Variants in ZKSCAN3 observed in about 807,000 individuals in gnomAD.
The protein encoded by ZKSCAN3 is zinc finger with KRAB and SCAN domains 3, also known as zinc finger protein with KRAB and SCAN domains 3.
ZKSCAN3 carries 21 observed loss-of-function variants against 30.7 expected under a neutral mutation model. The observed-to-expected ratio is 0.68, with a 90% confidence interval of 0.49 to 0.99. The LOEUF (loss-of-function observed/expected upper bound fraction) is 0.99, where lower values mean the gene tolerates loss of function less well. Ranked by LOEUF, ZKSCAN3 falls within the 50% of genes least tolerant of loss-of-function variation. The pLI is 0.00. For missense variants in ZKSCAN3, 507 were observed against 647.1 expected (o/e 0.78, Z 2.35); for synonymous variants, 201 against 246.7 (o/e 0.81, Z 1.73).
chr6:28,362,466 A>G (rs1440804733), intron 3 of ZKSCAN3, among the ~76,000 whole-genome samples: 1 of 152,210 alleles, frequency 6.6e-6, no homozygotes, highest in Non-Finnish European at 1.5e-5. Flanking sequence ...TGTCTTAAAC[A>G]CATGTACAAG....
In ZKSCAN3 at chr6:28,361,231, A is replaced by G. The variant is rs1765755066; in HGVS notation, c.403-93A>G. 19 of 1,367,666 alleles carry G rather than the reference A, an allele frequency of 1.4e-5. No individual in the cohort carries two copies. The South Asian group carries it at 2.3e-4, about 16-fold the overall frequency. 84.7% of individuals were successfully genotyped at this position (1,367,666 alleles called of 1,614,324 possible). On this transcript the variant is annotated intron_variant, in intron 2 of 5. Transcript: ENST00000252211. The stretch of plus-strand genomic sequence containing the variant: ...TGTTTTCTGCGTTAAATGAGTTAAC[A>G]TTTATAATGCTCTTGGAAATAGTGC...
rs1766004018 is a variant in ZKSCAN3 at position 28,367,272 on chromosome 6, A to C, written c.*987A>C. Reference sequence around the variant, plus strand: ...TTCTATTCTAGTGCAAATGCCTTAAAAAGCTTATCACTAAATCATTACGAA... The same window carrying C: ...TTCTATTCTAGTGCAAATGCCTTAACAAGCTTATCACTAAATCATTACGAA... On this transcript the variant is annotated 3_prime_UTR_variant, in exon 6 of 6. Coordinates refer to ENST00000252211, the MANE Select transcript of ZKSCAN3 (RefSeq NM_024493.4). The C allele has an allele frequency of 6.6e-6, 1 of 151,750 alleles. No individual in the cohort carries two copies. The highest frequency in any genetic ancestry group is 2.1e-4 in the South Asian group (1 of 4,820). 9.4% of individuals were successfully genotyped at this position (151,750 alleles called of 1,614,324 possible).
rs201756182 is a variant in ZKSCAN3 at position 28,363,828 on chromosome 6, G to A, written c.757+13G>A. ...CTGGTCTCCCTGGGTAAGACTAAAG[G>A]ACACTAATTTCTGTTAAGGTTTCTT... On this transcript the variant is annotated intron_variant, in intron 5 of 5. Coordinates refer to ENST00000252211, the MANE Select transcript of ZKSCAN3 (RefSeq NM_024493.4). 5.6e-6 allele frequency: 9 copies of A among 1,612,656 alleles called. No homozygotes were observed. In the African/African-American group the frequency reaches 1.2e-4, roughly 21 times the overall value.
intron 1 of ZKSCAN3, among the ~76,000 whole-genome samples, chr6:28,358,749 T>C (rs1765584547): frequency 6.6e-6 from 1 of 152,028 alleles, no homozygotes; most frequent in African/African-American, 2.4e-5. Flanking sequence ...CTGGGCATGG[T>C]GGTGCACACC....
At position 28,366,959 on chromosome 6, in the gene ZKSCAN3, C is replaced by T. The variant is rs977939343; in HGVS notation, c.*674C>T. ...GGAGACGTAGTCTTGCTCTGTCGCC[C>T]AGGCTGGAGTGCAGTGGCACAATCT... is the stretch of plus-strand genomic sequence containing the variant. On this transcript the variant is annotated 3_prime_UTR_variant, in exon 6 of 6. Coordinates refer to ENST00000252211, the MANE Select transcript of ZKSCAN3 (RefSeq NM_024493.4). The T allele has an allele frequency of 1.3e-5, 2 of 152,298 alleles. No individual in the cohort carries two copies. The highest frequency in any genetic ancestry group is 2.9e-5 in the Non-Finnish European group (2 of 68,156). 9.4% of individuals were successfully genotyped at this position (152,298 alleles called of 1,614,324 possible). A position where few individuals can be genotyped will look rare whatever the true frequency, so the allele number is the denominator to read the frequency against.
rs977725460 is a variant in ZKSCAN3, at chr6:28,363,169, C to T, written c.551-134C>T. 8 of 711,806 alleles carry T rather than the reference C, an allele frequency of 1.1e-5. No homozygotes were observed. The African/African-American group carries it at 1.3e-4, about 11-fold the overall frequency. The allele number at this position is 711,806 out of a possible 1,614,324, so 44.1% of individuals were successfully genotyped here. On this transcript the variant is annotated intron_variant, in intron 3 of 5. Transcript: ENST00000252211. The stretch of plus-strand genomic sequence containing the variant: ...GGAGTGCAGTGGCTCAATCACAGCT[C>T]ATTGCAGCTTCAGACTCCTGGGCTC...
intron 1 of ZKSCAN3, among the ~76,000 whole-genome samples, chr6:28,357,392 G>A (rs955871115): frequency 1.3e-5 from 2 of 152,194 alleles, no homozygotes; most frequent in Non-Finnish European, 2.9e-5. Flanking sequence ...GGATTTTGAC[G>A]ACCTCAGGAA....
At chr6:28,353,901 G>A in intron 1 of ZKSCAN3, 1 of 456,156 alleles carries the variant, frequency 2.2e-6, no homozygotes, top group Non-Finnish European at 4.4e-6. Flanking sequence ...CCATACTGAG[G>A]TCCGAGGGGA....
chr6:28,357,572 G>A (rs1383090343), intron 1 of ZKSCAN3, among the ~76,000 whole-genome samples: 1 of 152,200 alleles, frequency 6.6e-6, no homozygotes, highest in Non-Finnish European at 1.5e-5. Flanking sequence ...GGGAATTGAG[G>A]GAAGCACCTT....
Position 28,363,798 on chromosome 6 carries a change from G to A in ZKSCAN3, c.740G>A (p.Gly247Asp). Residue 247 changes from glycine (G) to aspartate (D), a missense_variant, in exon 5 of 6, where the codon GGC becomes GAC. Coordinates refer to ENST00000252211, the MANE Select transcript of ZKSCAN3 (RefSeq NM_024493.4). ...AGAGATGAAAAGCAGGAGAACCATG[G>A]CAGCCTGGTCTCCCTGGGTAAGACT... ...LCRDEKQENHGSLVSLGDEKQ... is the reference protein window; with the variant it reads ...LCRDEKQENHDSLVSLGDEKQ... 1 of 1,613,824 alleles carries A rather than the reference G, an allele frequency of 6.2e-7. No homozygotes were observed. The highest frequency in any genetic ancestry group is 1.6e-4 in the Middle Eastern group (1 of 6,062).
intron 3 of ZKSCAN3, among the ~76,000 whole-genome samples, chr6:28,361,731 G>GTT (rs370292663): frequency 6.8e-6 from 1 of 147,470 alleles, no homozygotes; most frequent in African/African-American, 2.5e-5. Context: ...TGTTGTATTG[G>GTT]TTTTTTTTTT....
intron 5 of ZKSCAN3, among the ~76,000 whole-genome samples, chr6:28,365,132 C>T (rs1259840740): frequency 6.6e-6 from 1 of 152,110 alleles, no homozygotes; most frequent in Non-Finnish European, 1.5e-5. Context: ...CATACATCCC[C>T]AGCATAGTCC....
chr6:28,350,081 A>AGTGTGTGTGT lies in ZKSCAN3; in HGVS notation c.-63+16_-63+17insGTGTGTGTGT, dbSNP rs955657610. Reference sequence around the variant, plus strand: ...CCCCGGGTAGAGGTGCGTTTGCAGGAGTATGTGTGTGTGTGTGTGTGTGTG... The same window carrying AGTGTGTGTGT: ...CCCCGGGTAGAGGTGCGTTTGCAGGAGTGTGTGTGTGTATGTGTGTGTGTGTGTGTGTGTG... On this transcript the variant is annotated intron_variant, in intron 1 of 5. Transcript: ENST00000252211. 1 of 100,278 alleles carries AGTGTGTGTGT rather than the reference A, an allele frequency of 1.0e-5. No homozygotes were observed. The highest frequency in any genetic ancestry group is 6.1e-5 in the African/African-American group (1 of 16,486). The allele number at this position is 100,278 out of a possible 1,614,324, so 6.2% of individuals were successfully genotyped here.
At chr6:28,365,264 C>G (rs1765914182) in intron 5 of ZKSCAN3, among the ~76,000 whole-genome samples, 162 bp from the exon 6 acceptor site, 1 of 152,178 alleles carries the variant, frequency 6.6e-6, no homozygotes, top group Non-Finnish European at 1.5e-5. Context: ...CTCTCTCCTC[C>G]CCAGCACTCC....
chr6:28,360,168 A>G, intron 2 of ZKSCAN3, 180 bp downstream of exon 2: 1 of 1,094,622 alleles, frequency 9.1e-7, no homozygotes, highest in South Asian at 1.6e-5. Context: ...TTTTTTTAAA[A>G]TACATAAACC....
chr6:28,353,924 G>C (rs1256325568), intron 1 of ZKSCAN3: 2 of 455,492 alleles, frequency 4.4e-6, no homozygotes, highest in Non-Finnish European at 8.8e-6. Context: ...TGTTGGATGG[G>C]TGGCAGGTAG....
chr6:28,358,141 A>C (rs952951810), intron 1 of ZKSCAN3, among the ~76,000 whole-genome samples: 1 of 152,220 alleles, frequency 6.6e-6, no homozygotes, highest in African/African-American at 2.4e-5. Context: ...CAAGTCTTAC[A>C]TAAAATGGCA....
intron 4 of ZKSCAN3, 89 bp downstream of exon 4, chr6:28,363,474 C>G: frequency 7.3e-7 from 1 of 1,373,540 alleles, no homozygotes; most frequent in Non-Finnish European, 1.0e-6. Context: ...CCCTCCACCC[C>G]AATCCTAGAT....
intron 4 of ZKSCAN3, 85 bp downstream of exon 4, chr6:28,363,470 A>G: frequency 7.3e-7 from 1 of 1,378,672 alleles, no homozygotes; most frequent in Non-Finnish European, 1.0e-6. Flanking sequence ...ATTCCCCTCC[A>G]CCCCAATCCT....
Sources: gnomAD v4.1 joint callset for allele counts (sites outside exome capture counted in the v4.1 genomes callset) on GRCh38, gnomAD v4.1.1 for gene constraint, MANE v1.5 for transcripts, NCBI Gene and HGNC (gene_info 2026-07-23, HGNC 2026-07-21) for gene names.